The following KCNC2 variants were observed in gnomAD, a reference collection of about 807,000 sequenced individuals.
KCNC2 encodes the protein potassium voltage-gated channel subfamily C member 2, also known as voltage-gated potassium channel KCNC2.
In KCNC2, 21 loss-of-function variants were observed where a neutral mutation model predicts 44.5. The observed-to-expected ratio is 0.47, with a 90% CI of 0.33 to 0.68. The LOEUF (loss-of-function observed/expected upper bound fraction) is 0.68. Among genes scored for constraint, KCNC2 ranks in the 30% least tolerant of loss-of-function variants. The pLI, the probability that KCNC2 is intolerant of heterozygous loss-of-function variation, is 0.01. For missense variants in KCNC2, 589 were observed against 826.2 expected (o/e 0.71, Z 3.52); for synonymous variants, 391 against 339.1 (o/e 1.15, Z -1.68).
chr12:75,115,265 T>C (rs1302142186), intron 2 of KCNC2, among the ~76,000 whole-genome samples: 1 of 152,194 alleles, frequency 6.6e-6, no homozygotes. Context: ...CTTATGAAAC[T>C]TCTAATCTGA....
intron 2 of KCNC2, among the ~76,000 whole-genome samples, chr12:75,199,759 A>G (rs578106841): frequency 1.6e-4 from 25 of 151,920 alleles, no homozygotes; most frequent in Non-Finnish European, 3.2e-4. Context: ...TCTATTGCCA[A>G]TAGGTTGAAC....
At position 75,179,783 on chromosome 12, in the gene KCNC2, C is replaced by G. The variant is rs11180391; in HGVS notation, c.687+27514G>C. On this transcript the variant is annotated intron_variant, in intron 2 of 4. Coordinates refer to ENST00000549446, the MANE Select transcript of KCNC2 (RefSeq NM_139137.4). Reference sequence around the variant, plus strand: ...AAAAACTATAAAAGATATAAAACTACTTTTATATCTTGGAAATAATATGTC... The same window carrying G: ...AAAAACTATAAAAGATATAAAACTAGTTTTATATCTTGGAAATAATATGTC... 8.2e-3 allele frequency among the ~76,000 whole-genome samples: 1,042 copies of G among 127,574 alleles called. 10 individuals carry two copies. The highest frequency in any genetic ancestry group is 0.013 in the African/African-American group (449 of 34,574). 83.7% of individuals were successfully genotyped at this position (127,574 alleles called of 152,430 possible).
chr12:75,098,509 A>C (rs1248062996), intron 2 of KCNC2, among the ~76,000 whole-genome samples: 1 of 152,156 alleles, frequency 6.6e-6, no homozygotes, highest in African/African-American at 2.4e-5. Context: ...CTGTAATCCC[A>C]GCAAATTGGG....
At chr12:75,110,499 A>G (rs1887144137) in intron 2 of KCNC2, among the ~76,000 whole-genome samples, 1 of 152,124 alleles carries the variant, frequency 6.6e-6, no homozygotes, top group Admixed American at 6.6e-5. Context: ...AATATCAACC[A>G]CATGTTTCCA....
intron 4 of KCNC2, chr12:75,044,518 G>A (rs1592747625): frequency 1.3e-5 from 2 of 152,036 alleles, no homozygotes; most frequent in East Asian, 3.9e-4. Flanking sequence ...AACTTCCAGA[G>A]AAGAAGCCAT....
intron 2 of KCNC2, among the ~76,000 whole-genome samples, chr12:75,193,165 T>C (rs918114807): frequency 6.6e-6 from 1 of 152,156 alleles, no homozygotes; most frequent in Non-Finnish European, 1.5e-5. Context: ...ACACATATAG[T>C]CCAACTGTAG....
intron 2 of KCNC2, among the ~76,000 whole-genome samples, chr12:75,080,496 A>T (rs576808867): frequency 7.4e-4 from 112 of 152,296 alleles, no homozygotes; most frequent in South Asian, 1.5e-3. Context: ...CATAGAGTTC[A>T]GTGCAACACC....
At chr12:75,090,500 G>A (rs796667708) in intron 2 of KCNC2, among the ~76,000 whole-genome samples, 10 of 151,670 alleles carry the variant, frequency 6.6e-5, no homozygotes, top group African/African-American at 2.2e-4. Flanking sequence ...ACTACAAAAT[G>A]AAGTTCAAAC....
intron 2 of KCNC2, among the ~76,000 whole-genome samples, chr12:75,076,181 C>T (rs1252008437): frequency 6.6e-6 from 1 of 152,136 alleles, no homozygotes; most frequent in Non-Finnish European, 1.5e-5. Flanking sequence ...TACTAACTTA[C>T]AGCAGACTTA....
intron 2 of KCNC2, among the ~76,000 whole-genome samples, chr12:75,160,767 G>T (rs912805263): frequency 6.6e-6 from 1 of 151,746 alleles, no homozygotes; most frequent in Non-Finnish European, 1.5e-5. Context: ...GCTCAATTAA[G>T]ATCTAAGAGG....
intron 2 of KCNC2, among the ~76,000 whole-genome samples, chr12:75,072,912 A>T (rs1183463206): frequency 2.6e-5 from 4 of 152,194 alleles, no homozygotes; most frequent in African/African-American, 4.8e-5. Flanking sequence ...GGCTCTCTTG[A>T]TAAGACAGTT....
At chr12:75,133,962 G>A (rs942634116) in intron 2 of KCNC2, among the ~76,000 whole-genome samples, 6 of 151,918 alleles carry the variant, frequency 3.9e-5, no homozygotes, top group Admixed American at 1.3e-4. Context: ...AGTGGCAACT[G>A]GTAGGGGTAG....
At chr12:75,090,374 A>AT (rs879625849) in intron 2 of KCNC2, among the ~76,000 whole-genome samples, 7 of 150,896 alleles carry the variant, frequency 4.6e-5, no homozygotes, top group Non-Finnish European at 1.0e-4. Context: ...TACACCAGAT[A>AT]TTTTTTTTCC....
chr12:75,083,046 A>G (rs1280186940), intron 2 of KCNC2, among the ~76,000 whole-genome samples: 1 of 151,596 alleles, frequency 6.6e-6, no homozygotes, highest in Non-Finnish European at 1.5e-5. Flanking sequence ...AGATATAAAT[A>G]TGAATATATA....
At chr12:75,088,690 T>C (rs949230917) in intron 2 of KCNC2, among the ~76,000 whole-genome samples, 2 of 152,072 alleles carry the variant, frequency 1.3e-5, no homozygotes, top group Admixed American at 1.3e-4. Flanking sequence ...GCCTGAAGAT[T>C]TGTACCCTTA....
intron 2 of KCNC2, among the ~76,000 whole-genome samples, chr12:75,059,078 C>T (rs1295125554): frequency 6.6e-6 from 1 of 151,964 alleles, no homozygotes; most frequent in Non-Finnish European, 1.5e-5. Context: ...CAAGTACTTG[C>T]AAACTCTTCC....
intron 2 of KCNC2, among the ~76,000 whole-genome samples, chr12:75,170,644 C>T (rs1193500194): frequency 2.6e-5 from 4 of 151,758 alleles, no homozygotes; most frequent in African/African-American, 9.7e-5. Context: ...ATCAGTAAGA[C>T]TAGCATGTCA....
At chr12:75,047,963 T>C (rs1157192372) in intron 4 of KCNC2, among the ~76,000 whole-genome samples, 190 bp downstream of exon 4, 1 of 152,062 alleles carries the variant, frequency 6.6e-6, no homozygotes, top group Non-Finnish European at 1.5e-5. Flanking sequence ...GTCTTTCAGA[T>C]ATGACGATCA....
intron 2 of KCNC2, among the ~76,000 whole-genome samples, chr12:75,161,269 G>A (rs1045383783): frequency 6.6e-6 from 1 of 151,588 alleles, no homozygotes; most frequent in Non-Finnish European, 1.5e-5. Flanking sequence ...AAATATTTTT[G>A]TAAACATCTG....
Sources: allele counts gnomAD v4.1 joint callset (sites outside exome capture counted in the v4.1 genomes callset), GRCh38; gene constraint gnomAD v4.1.1; transcripts MANE v1.5; gene names NCBI Gene and HGNC (gene_info 2026-07-23, HGNC 2026-07-21).